MNAT1: variants seen among roughly 807,000 people sequenced by gnomAD.
MNAT1 encodes MNAT1 component of CDK activating kinase.
Under a neutral mutation model 42.0 loss-of-function variants are expected in MNAT1, and 43 were observed. That is an observed-to-expected ratio of 1.02 (90% CI 0.80 to 1.32). The LOEUF is 1.32. Among genes scored for constraint, MNAT1 ranks in the 40% most tolerant of loss-of-function variants. The pLI, the probability that MNAT1 is intolerant of heterozygous loss-of-function variation, is 0.00. For synonymous variants in MNAT1, 118 were observed against 120.0 expected (o/e 0.98, Z 0.11); for missense variants, 306 against 350.4 (o/e 0.87, Z 1.01).
chr14:60,795,814 G>T (rs1189458548), intron 1 of MNAT1, among the ~76,000 whole-genome samples: 2 of 152,144 alleles, frequency 1.3e-5, no homozygotes, highest in Non-Finnish European at 2.9e-5. Flanking sequence ...AGTGCTTGGG[G>T]TATATAGGGC....
At chr14:60,898,153 T>G (rs904883922) in intron 7 of MNAT1, among the ~76,000 whole-genome samples, 1 of 149,656 alleles carries the variant, frequency 6.7e-6, no homozygotes, top group African/African-American at 2.5e-5. Context: ...GCGCGCCACA[T>G]TTTTTTAATC....
chr14:60,842,227 G>C (rs549304081), intron 6 of MNAT1, among the ~76,000 whole-genome samples: 3 of 152,270 alleles, frequency 2.0e-5, no homozygotes, highest in South Asian at 4.1e-4. Context: ...GGCCTGCAAA[G>C]CCTAAAATAC....
intron 5 of MNAT1, among the ~76,000 whole-genome samples, chr14:60,816,122 C>T (rs1287925214): frequency 2.0e-5 from 3 of 152,018 alleles, no homozygotes; most frequent in Non-Finnish European, 4.4e-5. Context: ...ACAAGTACTA[C>T]TTATTAGAAT....
At chr14:60,786,141 A>T (rs1273590802) in intron 1 of MNAT1, among the ~76,000 whole-genome samples, 1 of 152,086 alleles carries the variant, frequency 6.6e-6, no homozygotes, top group African/African-American at 2.4e-5. Context: ...ATTGGAAAAC[A>T]CACAAAAAAT....
chr14:60,939,131 T>G (rs920291458), intron 7 of MNAT1, among the ~76,000 whole-genome samples: 17 of 152,290 alleles, frequency 1.1e-4, no homozygotes, highest in South Asian at 8.3e-4. Flanking sequence ...CTTTTCTTCT[T>G]TATTAGTCTT....
intron 1 of MNAT1, among the ~76,000 whole-genome samples, chr14:60,774,823 T>A (rs2031189763): frequency 6.6e-6 from 1 of 152,142 alleles, no homozygotes; most frequent in Non-Finnish European, 1.5e-5. Context: ...TGACATTTAG[T>A]GAAATAGGAA....
intron 7 of MNAT1, among the ~76,000 whole-genome samples, chr14:60,882,338 C>A (rs2034570425): frequency 6.6e-6 from 1 of 152,122 alleles, no homozygotes; most frequent in Non-Finnish European, 1.5e-5. Context: ...CTAAGTTTGT[C>A]TTTCTGTGCC....
In MNAT1 at chr14:60,838,809, T is replaced by C. The variant is rs192986634; in HGVS notation, c.687+19962T>C. Among the ~76,000 whole-genome samples the C allele has an allele frequency of 2.8e-4, 43 of 152,254 alleles. No individual in the cohort carries two copies. In the East Asian group the frequency reaches 6.2e-3, roughly 22 times the overall value. The stretch of plus-strand genomic sequence containing the variant: ...CAGGCTTGGAAGCGCCTGCTCCTGC[T>C]GCCTGGCCTTTTCCTGCTCCCTGAG... On this transcript the variant is annotated intron_variant, in intron 6 of 7. Transcript: ENST00000261245.
At chr14:60,893,891 A>G (rs147169687) in intron 7 of MNAT1, among the ~76,000 whole-genome samples, 74 of 152,188 alleles carry the variant, frequency 4.9e-4, no homozygotes, top group African/African-American at 1.6e-3. Flanking sequence ...TCCTTTTCCA[A>G]CGTTAGTCAT....
intron 1 of MNAT1, among the ~76,000 whole-genome samples, chr14:60,739,312 C>G (rs905429694): frequency 6.6e-6 from 1 of 151,916 alleles, no homozygotes; most frequent in Admixed American, 6.6e-5. Context: ...AGAGTACACA[C>G]AAGAGTGTGA....
intron 1 of MNAT1, chr14:60,780,038 G>T (rs750261408): frequency 5.9e-6 from 9 of 1,530,566 alleles, no homozygotes; most frequent in Non-Finnish European, 8.2e-6. Context: ...CGAAATCGTG[G>T]ACGAGTTCTT....
chr14:60,934,181 C>T (rs1321501437), intron 7 of MNAT1, among the ~76,000 whole-genome samples: 1 of 152,176 alleles, frequency 6.6e-6, no homozygotes, highest in African/African-American at 2.4e-5. Flanking sequence ...AGCAACTTAT[C>T]TGAGTTACTG....
In MNAT1 at chr14:60,918,735, A is replaced by AATATATATATATATATAT. The variant is rs140364759; in HGVS notation, c.809+38905_809+38922dup. On this transcript the variant is annotated intron_variant, in intron 7 of 7. Coordinates refer to ENST00000261245, the MANE Select transcript of MNAT1 (RefSeq NM_002431.4). Reference sequence around the variant, plus strand: ...CTTGTTTAATGACTATCCAGATGAGAATATATATATATATATATATATTTT... The same window carrying AATATATATATATATATAT: ...CTTGTTTAATGACTATCCAGATGAGAATATATATATATATATATATATATATATATATATATATATTTT... Among the ~76,000 whole-genome samples the AATATATATATATATATAT allele has an allele frequency of 2.7e-4, 5 of 18,424 alleles. No homozygotes were observed. In the Admixed American group the frequency reaches 4.3e-3, roughly 16 times the overall value. 12.1% of individuals were successfully genotyped at this position (18,424 alleles called of 152,430 possible). A position where few individuals can be genotyped will look rare whatever the true frequency, so the allele number is the denominator to read the frequency against.
chr14:60,775,744 G>T (rs1003329101), intron 1 of MNAT1, among the ~76,000 whole-genome samples: 2 of 152,090 alleles, frequency 1.3e-5, no homozygotes, highest in African/African-American at 4.8e-5. Context: ...TGATGGCATT[G>T]GTGTTTAGAA....
chr14:60,922,958 T>C (rs1051470636), intron 7 of MNAT1, among the ~76,000 whole-genome samples: 3 of 152,326 alleles, frequency 2.0e-5, no homozygotes, highest in Admixed American at 2.0e-4. Flanking sequence ...TGGCAACTTA[T>C]ATGCAGTAAG....
chr14:60,739,336 G>T (rs1896398833), intron 1 of MNAT1, among the ~76,000 whole-genome samples: 1 of 152,012 alleles, frequency 6.6e-6, no homozygotes, highest in Non-Finnish European at 1.5e-5. Flanking sequence ...CCAAGAGTGT[G>T]AATATCATTG....
intron 7 of MNAT1, among the ~76,000 whole-genome samples, chr14:60,936,396 C>G (rs1266166899): frequency 9.3e-6 from 1 of 107,332 alleles, no homozygotes; most frequent in Non-Finnish European, 1.7e-5. Flanking sequence ...CACCCCACAA[C>G]AGGCCCCCGT....
At chr14:60,938,311 C>T (rs1371280051) in intron 7 of MNAT1, among the ~76,000 whole-genome samples, 4 of 152,092 alleles carry the variant, frequency 2.6e-5, no homozygotes, top group African/African-American at 9.7e-5. Flanking sequence ...TGCCAGTTTT[C>T]AAAGGGAATG....
At chr14:60,909,281 C>A (rs1360268388) in intron 7 of MNAT1, among the ~76,000 whole-genome samples, 3 of 152,128 alleles carry the variant, frequency 2.0e-5, no homozygotes, top group Admixed American at 2.0e-4. Context: ...GTTGCCTGTT[C>A]ACTCTGATGG....
Sources: gnomAD v4.1 joint callset for allele counts (sites outside exome capture counted in the v4.1 genomes callset) on GRCh38, gnomAD v4.1.1 for gene constraint, MANE v1.5 for transcripts, NCBI Gene and HGNC (gene_info 2026-07-23, HGNC 2026-07-21) for gene names.